EBF1: variants seen among roughly 807,000 people sequenced by gnomAD.
EBF1 encodes EBF transcription factor 1.
EBF1 carries 10 observed loss-of-function variants against 68.4 expected under a neutral mutation model. The observed-to-expected ratio is 0.15, with a 90% CI of 0.09 to 0.25. The LOEUF (loss-of-function observed/expected upper bound fraction) is 0.25, where lower values mean the gene tolerates loss of function less well. EBF1 is among the 10% of genes least tolerant of loss of function. The pLI, the probability that EBF1 is intolerant of heterozygous loss-of-function variation, is 1.00. For synonymous variants in EBF1, 298 were observed against 299.8 expected (o/e 0.99, Z 0.06); for missense variants, 509 against 794.4 (o/e 0.64, Z 4.32).
intron 6 of EBF1, among the ~76,000 whole-genome samples, chr5:159,034,104 C>A (rs1207995797): frequency 6.6e-6 from 1 of 152,032 alleles, no homozygotes; most frequent in Non-Finnish European, 1.5e-5. Context: ...AATTCAACAT[C>A]AAAAAAACTG....
At chr5:158,878,860 T>C (rs1798300171) in intron 6 of EBF1, among the ~76,000 whole-genome samples, 1 of 152,012 alleles carries the variant, frequency 6.6e-6, no homozygotes, top group Non-Finnish European at 1.5e-5. Flanking sequence ...GCCAGGGTGG[T>C]TTCAAACTCC....
At chr5:158,731,202 A>G (rs1561768312) in intron 10 of EBF1, 45 bp from the exon 11 acceptor site, 1 of 1,575,342 alleles carries the variant, frequency 6.3e-7, no homozygotes, top group Non-Finnish European at 8.7e-7. Flanking sequence ...CAAGAAATAA[A>G]GCTGAACATG....
At chr5:158,891,126 G>T (rs1562231357) in intron 6 of EBF1, among the ~76,000 whole-genome samples, 1 of 152,152 alleles carries the variant, frequency 6.6e-6, no homozygotes, top group Non-Finnish European at 1.5e-5. Flanking sequence ...ACATAATTTA[G>T]TTTTGTGTGT....
intron 6 of EBF1, among the ~76,000 whole-genome samples, chr5:159,039,585 A>C (rs1460676844): frequency 2.6e-5 from 4 of 152,240 alleles, no homozygotes. Context: ...AAGAAACAGG[A>C]AAGCCAGTTG....
At chr5:158,799,553 A>C (rs944942601) in intron 8 of EBF1, among the ~76,000 whole-genome samples, 2 of 152,242 alleles carry the variant, frequency 1.3e-5, no homozygotes, top group African/African-American at 4.8e-5. Flanking sequence ...CCCTGTGACC[A>C]GCAAAAGAGA....
chr5:159,039,721 T>G (rs1429227780), intron 6 of EBF1, among the ~76,000 whole-genome samples: 2 of 152,214 alleles, frequency 1.3e-5, no homozygotes, highest in African/African-American at 4.8e-5. Flanking sequence ...TTATTCCTTC[T>G]CAAGGGCCCT....
intron 4 of EBF1, among the ~76,000 whole-genome samples, chr5:159,088,570 T>C (rs1027018250): frequency 3.3e-5 from 5 of 152,148 alleles, no homozygotes; most frequent in African/African-American, 1.2e-4. Flanking sequence ...CAGAAGCATA[T>C]AAACAGCATT....
chr5:158,790,679 A>G (rs777127175), intron 9 of EBF1, among the ~76,000 whole-genome samples: 2 of 152,132 alleles, frequency 1.3e-5, no homozygotes, highest in African/African-American at 4.8e-5. Flanking sequence ...TCATCTCCCA[A>G]TGGGTATCTA....
chr5:158,860,033 G>T (rs945518846), intron 6 of EBF1, among the ~76,000 whole-genome samples: 4 of 152,122 alleles, frequency 2.6e-5, no homozygotes, highest in Non-Finnish European at 4.4e-5. Context: ...TTCACTTTGG[G>T]ATCTCCATAA....
At chr5:158,979,701 A>G (rs1757518191) in intron 6 of EBF1, among the ~76,000 whole-genome samples, 1 of 151,836 alleles carries the variant, frequency 6.6e-6, no homozygotes, top group African/African-American at 2.4e-5. Context: ...GCAGACAAGG[A>G]TACTGGGAAA....
At chr5:158,961,560 C>T (rs1352938630) in intron 6 of EBF1, among the ~76,000 whole-genome samples, 3 of 151,982 alleles carry the variant, frequency 2.0e-5, no homozygotes, top group Non-Finnish European at 4.4e-5. Context: ...TGTAAATACA[C>T]AGTTCTGATA....
At chr5:158,807,998 A>G (rs1781917311) in intron 8 of EBF1, among the ~76,000 whole-genome samples, 1 of 152,178 alleles carries the variant, frequency 6.6e-6, no homozygotes, top group Admixed American at 6.6e-5. Context: ...TGCCATTGCT[A>G]ACATATTTCA....
At chr5:159,042,957 T>C (rs1771545547) in intron 6 of EBF1, among the ~76,000 whole-genome samples, 1 of 152,126 alleles carries the variant, frequency 6.6e-6, no homozygotes, top group African/African-American at 2.4e-5. Flanking sequence ...TCTTAAAAAA[T>C]ATCTCTGGAA....
rs149796150 is a variant in EBF1, at chr5:158,777,029, C to T, written c.1036+384G>A. On this transcript the variant is annotated intron_variant, in intron 10 of 15. Coordinates refer to ENST00000313708, the MANE Select transcript of EBF1 (RefSeq NM_024007.5). ...TACCAATTGTATGTAATACAAGTGC[C>T]GTGAACAGGCTAGAGGAAAGACGTA... Among the ~76,000 whole-genome samples, 505 of 152,226 alleles carry T rather than the reference C, an allele frequency of 3.3e-3. 4 individuals carry two copies. Among genetic ancestry groups the T allele is most frequent in the Non-Finnish European group, 5.1e-3 (345 of 68,002 alleles).
intron 10 of EBF1, among the ~76,000 whole-genome samples, chr5:158,760,206 C>T (rs1248964449): frequency 3.9e-5 from 6 of 152,154 alleles, no homozygotes; most frequent in Non-Finnish European, 7.4e-5. Context: ...AAAGATTTTG[C>T]TCAGGAACCA....
At chr5:158,707,693 T>A (rs1758168711) in intron 15 of EBF1, 2 of 409,668 alleles carry the variant, frequency 4.9e-6, no homozygotes, top group African/African-American at 3.9e-5. Flanking sequence ...ATGCTGTTAG[T>A]CAGTAGAAAC....
chr5:158,977,010 A>G (rs1193830942), intron 6 of EBF1, among the ~76,000 whole-genome samples: 1 of 152,210 alleles, frequency 6.6e-6, no homozygotes, highest in Non-Finnish European at 1.5e-5. Context: ...AGGAAATCTC[A>G]GAATCTGCCC....
intron 11 of EBF1, among the ~76,000 whole-genome samples, chr5:158,727,786 C>G (rs1370259292): frequency 6.6e-6 from 1 of 152,208 alleles, no homozygotes; most frequent in Non-Finnish European, 1.5e-5. Flanking sequence ...TGCCCAGCCT[C>G]TCTCGCAGGA....
intron 15 of EBF1, among the ~76,000 whole-genome samples, chr5:158,701,432 C>G (rs1048200624): frequency 3.3e-5 from 5 of 152,022 alleles, no homozygotes; most frequent in African/African-American, 1.2e-4. Flanking sequence ...GATTAAGCCT[C>G]CACTTAGGGC....
Sources: allele counts gnomAD v4.1 joint callset (sites outside exome capture counted in the v4.1 genomes callset), GRCh38; gene constraint gnomAD v4.1.1; transcripts MANE v1.5; gene names NCBI Gene and HGNC (gene_info 2026-07-23, HGNC 2026-07-21).